The following SLC4A10 variants were observed in gnomAD, a reference collection of about 807,000 sequenced individuals.
SLC4A10 encodes the protein sodium-driven chloride bicarbonate exchanger.
Under a neutral mutation model 137.7 loss-of-function variants are expected in SLC4A10, and 42 were observed. That is an observed-to-expected ratio of 0.30 (90% CI 0.24 to 0.39). The LOEUF (loss-of-function observed/expected upper bound fraction) is 0.39. Among genes scored for constraint, SLC4A10 ranks in the 10% least tolerant of loss-of-function variants. The probability of loss-of-function intolerance (pLI) is 1.00; values close to 1 mark genes in which losing one functional copy is unlikely to be tolerated. For synonymous variants in SLC4A10, 474 were observed against 464.1 expected (o/e 1.02, Z -0.27); for missense variants, 925 against 1,355.0 (o/e 0.68, Z 4.98).
chr2:161,930,571 T>G (rs1489534054), intron 15 of SLC4A10, among the ~76,000 whole-genome samples: 2 of 150,592 alleles, frequency 1.3e-5, no homozygotes, highest in East Asian at 1.9e-4. Context: ...ATTAATTAGT[T>G]ATATAATGAA....
intron 3 of SLC4A10, among the ~76,000 whole-genome samples, chr2:161,818,200 C>G (rs538801320): frequency 1.3e-3 from 192 of 152,184 alleles, no homozygotes; most frequent in African/African-American, 4.3e-3. Flanking sequence ...CTTCGCATCC[C>G]TTTTAAGTTG....
chr2:161,917,695 T>A (rs1026527693), intron 15 of SLC4A10, among the ~76,000 whole-genome samples: 3 of 152,174 alleles, frequency 2.0e-5, no homozygotes, highest in Admixed American at 2.0e-4. Flanking sequence ...GCATCCTCAC[T>A]GTCACAAACT....
intron 4 of SLC4A10, among the ~76,000 whole-genome samples, chr2:161,849,041 A>G (rs1249415495): frequency 6.6e-6 from 1 of 152,084 alleles, no homozygotes; most frequent in Non-Finnish European, 1.5e-5. Context: ...ATGAGCATGG[A>G]ATGTTTTTCC....
intron 3 of SLC4A10, among the ~76,000 whole-genome samples, chr2:161,830,658 T>C (rs72879226): frequency 6.6e-6 from 1 of 151,836 alleles, no homozygotes; most frequent in Non-Finnish European, 1.5e-5. Context: ...GATAAAATTT[T>C]AAAAAAAAGC....
intron 19 of SLC4A10, among the ~76,000 whole-genome samples, chr2:161,951,057 T>C (rs1459092517): frequency 6.6e-6 from 1 of 152,148 alleles, no homozygotes; most frequent in African/African-American, 2.4e-5. Flanking sequence ...AGCTCACGTC[T>C]GAGAACTCAC....
Position 161,905,636 on chromosome 2 carries a change from T to A in SLC4A10, c.1752-6T>A. 1.3e-6 allele frequency: 2 copies of A among 1,584,610 alleles called. No homozygotes were observed. Among genetic ancestry groups the A allele is most frequent in the South Asian group, 1.2e-5 (1 of 86,218 alleles). ...TTTCACTGTTCTTTCCTTTTCCTCC[T>A]CCCAGAGAATATGGGCTGTCATACC... On this transcript the variant is annotated splice_region_variant and splice_polypyrimidine_tract_variant and intron_variant, in intron 14 of 26. Transcript: ENST00000446997.
intron 15 of SLC4A10, among the ~76,000 whole-genome samples, chr2:161,921,284 G>C (rs1230850305): frequency 6.6e-6 from 1 of 152,194 alleles, no homozygotes; most frequent in East Asian, 1.9e-4. Flanking sequence ...AGATCTGAGA[G>C]TAGTTACGCA....
chr2:161,717,208 G>A (rs1431664119), intron 1 of SLC4A10, among the ~76,000 whole-genome samples: 3 of 152,098 alleles, frequency 2.0e-5, no homozygotes, highest in Non-Finnish European at 4.4e-5. Context: ...CTGAGATGAT[G>A]GGGTTTTCTA....
chr2:161,936,304 T>A (rs1225571779), intron 15 of SLC4A10, among the ~76,000 whole-genome samples: 1 of 152,098 alleles, frequency 6.6e-6, no homozygotes, highest in Non-Finnish European at 1.5e-5. Flanking sequence ...ATAAAATGAG[T>A]TTGGATGTAC....
At chr2:161,798,597 CA>C (rs1252224786) in intron 2 of SLC4A10, among the ~76,000 whole-genome samples, 1 of 151,590 alleles carries the variant, frequency 6.6e-6, no homozygotes, top group Admixed American at 6.6e-5. Context: ...ACTTAAGTGT[CA>C]AACATCTAGG....
chr2:161,719,053 C>A lies in SLC4A10; in HGVS notation c.49-51920C>A, dbSNP rs138032300. Among the ~76,000 whole-genome samples the A allele has an allele frequency of 1.3e-3, 205 of 152,170 alleles. 2 individuals carry two copies. Among genetic ancestry groups the A allele is most frequent in the East Asian group, 0.012 (63 of 5,174 alleles). On this transcript the variant is annotated intron_variant, in intron 1 of 26. Transcript: ENST00000446997. ...TATCTCCTAATGCTATCCTTCCCCC[C>A]TCCCCTCACCCCACAACAGTCCCCA... is the stretch of plus-strand genomic sequence containing the variant.
At chr2:161,702,241 A>G (rs1230420772) in intron 1 of SLC4A10, among the ~76,000 whole-genome samples, 1 of 151,934 alleles carries the variant, frequency 6.6e-6, no homozygotes, top group Non-Finnish European at 1.5e-5. Flanking sequence ...AAATCCTGTC[A>G]TTTGCAGCAA....
At chr2:161,739,146 A>C (rs2047635140) in intron 1 of SLC4A10, among the ~76,000 whole-genome samples, 1 of 152,196 alleles carries the variant, frequency 6.6e-6, no homozygotes, top group Non-Finnish European at 1.5e-5. Flanking sequence ...GAGGAAAGAA[A>C]AACAGTAACA....
At chr2:161,940,424 AC>A (rs145616845) in intron 15 of SLC4A10, among the ~76,000 whole-genome samples, 4,306 of 152,256 alleles carry the variant, frequency 0.028, 95 homozygotes, top group African/African-American at 0.061. Context: ...GGCCTGGAAC[AC>A]TGAGAATAGT....
chr2:161,829,299 A>G (rs2058267478), intron 3 of SLC4A10, among the ~76,000 whole-genome samples: 1 of 152,192 alleles, frequency 6.6e-6, no homozygotes, highest in South Asian at 2.1e-4. Context: ...ATTTATGTGA[A>G]CTGGAATAGA....
intron 15 of SLC4A10, among the ~76,000 whole-genome samples, 165 bp downstream of exon 15, chr2:161,906,052 C>A (rs963938198): frequency 6.6e-6 from 1 of 152,202 alleles, no homozygotes; most frequent in Non-Finnish European, 1.5e-5. Flanking sequence ...GTTATTTAAT[C>A]GGCCACTCAT....
intron 3 of SLC4A10, among the ~76,000 whole-genome samples, chr2:161,833,942 C>T (rs1414228596): frequency 1.3e-5 from 2 of 152,212 alleles, no homozygotes; most frequent in Non-Finnish European, 2.9e-5. Context: ...GTGGCTTCTG[C>T]AGAAACTGAT....
intron 15 of SLC4A10, among the ~76,000 whole-genome samples, chr2:161,908,259 A>G (rs999136396): frequency 2.0e-5 from 3 of 152,306 alleles, no homozygotes; most frequent in South Asian, 2.1e-4. Flanking sequence ...TGGCATGGAC[A>G]TCAAACAGAA....
At chr2:161,795,051 T>A (rs896454174) in intron 2 of SLC4A10, among the ~76,000 whole-genome samples, 1 of 151,622 alleles carries the variant, frequency 6.6e-6, no homozygotes, top group African/African-American at 2.4e-5. Context: ...GGAGGTAAAA[T>A]TTTTTTTTAC....
Sources: allele counts gnomAD v4.1 joint callset (sites outside exome capture counted in the v4.1 genomes callset), GRCh38; gene constraint gnomAD v4.1.1; transcripts MANE v1.5; gene names NCBI Gene and HGNC (gene_info 2026-07-23, HGNC 2026-07-21).